ITSN1: variants seen among roughly 807,000 people sequenced by gnomAD.
ITSN1 encodes the protein intersectin 1, also known as intersectin-1.
A neutral mutation model predicts 239.8 loss-of-function variants in ITSN1; 58 were observed. The ratio of observed to expected loss-of-function variants is 0.24; its 90% CI spans 0.20 to 0.30. The LOEUF (loss-of-function observed/expected upper bound fraction) is 0.30. Among genes scored for constraint, ITSN1 ranks in the 10% least tolerant of loss-of-function variants. The pLI, the probability that ITSN1 is intolerant of heterozygous loss-of-function variation, is 1.00. For synonymous variants in ITSN1, 780 were observed against 770.8 expected (o/e 1.01, Z -0.20); for missense variants, 1,558 against 2,103.3 (o/e 0.74, Z 5.07).
rs4398343 is a variant in ITSN1 at position 33,741,928 on chromosome 21, A to C, written c.346+6724A>C. 1.4e-3 allele frequency among the ~76,000 whole-genome samples: 204 copies of C among 148,384 alleles called. 1 individual carries two copies. Among genetic ancestry groups the C allele is most frequent in the African/African-American group, 4.7e-3 (191 of 40,432 alleles). On this transcript the variant is annotated intron_variant, in intron 5 of 39. Coordinates refer to ENST00000381318, the MANE Select transcript of ITSN1 (RefSeq NM_003024.3). ...AAAAAAAAAAAAAGGAAATAGTCTG[A>C]TTTTCTTACTGTATAAGTAATAGAT...
Position 33,893,794 on chromosome 21 carries a change from ATG to A in ITSN1, c.*5496_*5497del. The A allele has an allele frequency of 6.6e-6, 1 of 152,174 alleles. No homozygotes were observed. The highest frequency in any genetic ancestry group is 1.5e-5 in the Non-Finnish European group (1 of 68,028). 9.4% of individuals were successfully genotyped at this position (152,174 alleles called of 1,614,324 possible). A position where few individuals can be genotyped will look rare whatever the true frequency, so the allele number is the denominator to read the frequency against. On this transcript the variant is annotated 3_prime_UTR_variant, in exon 40 of 40. Transcript: ENST00000381318. ...GCCTGCACTGTATCAGATCCAGGAT[ATG>A]TCTGCATTTCATCAGGATCAAGTAA...
chr21:33,651,043 G>A (rs186423771), intron 1 of ITSN1, among the ~76,000 whole-genome samples: 276 of 152,360 alleles, frequency 1.8e-3, no homozygotes, highest in African/African-American at 6.2e-3. Flanking sequence ...GTTGTCCAGG[G>A]GGCTAGCCCC....
intron 5 of ITSN1, among the ~76,000 whole-genome samples, chr21:33,739,942 G>A (rs2066741693): frequency 6.6e-6 from 1 of 152,216 alleles, no homozygotes; most frequent in Non-Finnish European, 1.5e-5. Flanking sequence ...CGGGCAAGAG[G>A]CAATGGTGAT....
chr21:33,836,214 T>C (rs1194869348), intron 28 of ITSN1, among the ~76,000 whole-genome samples: 3 of 152,200 alleles, frequency 2.0e-5, no homozygotes, highest in Non-Finnish European at 4.4e-5. Flanking sequence ...AAGAGGACGA[T>C]ATCATAAAAA....
At chr21:33,705,450 C>G (rs919794073) in intron 1 of ITSN1, among the ~76,000 whole-genome samples, 1 of 152,172 alleles carries the variant, frequency 6.6e-6, no homozygotes, top group Admixed American at 6.5e-5. Flanking sequence ...TGCAGTGGCA[C>G]GATCTCAGCT....
At chr21:33,878,684 C>T (rs539106440) in intron 34 of ITSN1, among the ~76,000 whole-genome samples, 2 of 152,206 alleles carry the variant, frequency 1.3e-5, no homozygotes, top group African/African-American at 2.4e-5. Flanking sequence ...GAAGCAGCCC[C>T]GTGGAAGCCG....
intron 1 of ITSN1, among the ~76,000 whole-genome samples, chr21:33,650,923 A>T (rs1185178100): frequency 6.6e-6 from 1 of 152,368 alleles, no homozygotes; most frequent in East Asian, 1.9e-4. Context: ...CCCTTCAGAT[A>T]CAGTTATTAC....
chr21:33,886,543 G>T, intron 39 of ITSN1, 83 bp downstream of exon 39: 1 of 1,247,694 alleles, frequency 8.0e-7, no homozygotes, highest in Non-Finnish European at 1.1e-6. Flanking sequence ...CTGGGGACTT[G>T]GTGCCAGGAT....
intron 29 of ITSN1, among the ~76,000 whole-genome samples, chr21:33,842,510 G>C (rs1181975113): frequency 6.6e-6 from 1 of 151,932 alleles, no homozygotes; most frequent in Non-Finnish European, 1.5e-5. Flanking sequence ...GTGTGTGTGT[G>C]TGTGTGTGTG....
chr21:33,854,077 T>G lies in ITSN1; in HGVS notation c.3662-2659T>G, dbSNP rs61406330. ...ATATTTGCCCAGTGAATGAATAAGA[T>G]CTATGAACAGTCTTCAAAAGGGCCT... On this transcript the variant is annotated intron_variant, in intron 29 of 39. Transcript: ENST00000381318. 1.0e-3 allele frequency among the ~76,000 whole-genome samples: 154 copies of G among 152,254 alleles called. 1 individual carries two copies. Among genetic ancestry groups the G allele is most frequent in the Middle Eastern group, 6.8e-3 (2 of 294 alleles).
intron 1 of ITSN1, among the ~76,000 whole-genome samples, chr21:33,664,586 G>A (rs1010047206): frequency 1.3e-5 from 2 of 152,184 alleles, no homozygotes; most frequent in Admixed American, 1.3e-4. Context: ...GCAGTTACTA[G>A]CTGTGTAACC....
intron 29 of ITSN1, among the ~76,000 whole-genome samples, chr21:33,851,949 A>C (rs985537323): frequency 6.6e-5 from 10 of 150,678 alleles, no homozygotes; most frequent in African/African-American, 2.4e-4. Flanking sequence ...ATGCATGGAT[A>C]ATTTTTTAAA....
intron 20 of ITSN1, among the ~76,000 whole-genome samples, chr21:33,810,690 A>G (rs1223981201): frequency 6.6e-6 from 1 of 152,200 alleles, no homozygotes; most frequent in Non-Finnish European, 1.5e-5. Flanking sequence ...TTTAAATTAC[A>G]TGCCTCAGGA....
intron 1 of ITSN1, among the ~76,000 whole-genome samples, chr21:33,645,250 T>G (rs1314354967): frequency 1.3e-5 from 2 of 152,346 alleles, no homozygotes; most frequent in Non-Finnish European, 2.9e-5. Flanking sequence ...TGTTCCCTTC[T>G]GAATGATCAC....
At chr21:33,654,069 C>A (rs759555680) in intron 1 of ITSN1, among the ~76,000 whole-genome samples, 1 of 151,608 alleles carries the variant, frequency 6.6e-6, no homozygotes, top group Non-Finnish European at 1.5e-5. Flanking sequence ...TTCTTTCTCT[C>A]TTTTGTCTCA....
chr21:33,696,370 C>T (rs1251950971), intron 1 of ITSN1, among the ~76,000 whole-genome samples: 1 of 152,174 alleles, frequency 6.6e-6, no homozygotes, highest in East Asian at 1.9e-4. Context: ...TTTCCACCAA[C>T]TCTAACTGGC....
At chr21:33,761,881 T>G (rs777885767) in intron 8 of ITSN1, 42 bp from the exon 9 acceptor site, 2 of 1,427,976 alleles carry the variant, frequency 1.4e-6, no homozygotes, top group Non-Finnish European at 2.0e-6. Context: ...CAGTGAGTAT[T>G]TGCTGACTCA....
At chr21:33,829,563 C>G in intron 26 of ITSN1, 61 bp from the exon 27 acceptor site, 3 of 1,589,752 alleles carry the variant, frequency 1.9e-6, no homozygotes, top group Non-Finnish European at 2.6e-6. Context: ...CCTGCATCTT[C>G]TTGGCCTTTT....
At chr21:33,801,751 GCA>G (rs1486582185) in intron 19 of ITSN1, among the ~76,000 whole-genome samples, 1 of 152,170 alleles carries the variant, frequency 6.6e-6, no homozygotes, top group Non-Finnish European at 1.5e-5. Context: ...GCTTCATTCA[GCA>G]CACAGTTATT....
Sources: gnomAD v4.1 joint callset for allele counts (sites outside exome capture counted in the v4.1 genomes callset) on GRCh38, gnomAD v4.1.1 for gene constraint, MANE v1.5 for transcripts, NCBI Gene and HGNC (gene_info 2026-07-23, HGNC 2026-07-21) for gene names.